Variants in AP3B2 observed in about 807,000 individuals in gnomAD.
AP3B2 encodes AP-3 complex subunit beta-2.
In AP3B2, 50 loss-of-function variants were observed where a neutral mutation model predicts 126.9. That is an observed-to-expected ratio of 0.39 (90% CI 0.31 to 0.50). AP3B2 has a LOEUF of 0.50. AP3B2 is among the 20% of genes least tolerant of loss of function. The pLI is 0.79. For synonymous variants in AP3B2, 541 were observed against 565.0 expected (o/e 0.96, Z 0.60); for missense variants, 1,177 against 1,426.4 (o/e 0.83, Z 2.82).
intron 4 of AP3B2, chr15:82,687,120 G>A (rs2048441063): frequency 6.6e-6 from 1 of 152,222 alleles, no homozygotes; most frequent in Non-Finnish European, 1.5e-5. Context: ...GATGGAGCAA[G>A]TTGCCTTATG....
At chr15:82,691,433 G>A (rs2048530347) in intron 1 of AP3B2, among the ~76,000 whole-genome samples, 1 of 152,098 alleles carries the variant, frequency 6.6e-6, no homozygotes, top group Non-Finnish European at 1.5e-5. Context: ...CACAGTAACT[G>A]TTGATCTCCA....
rs1567255988 is a variant in AP3B2, at chr15:82,663,860, C to T, written c.2377G>A (p.Glu793Lys). 3.1e-6 allele frequency: 5 copies of T among 1,613,912 alleles called. No individual in the cohort carries two copies. Among genetic ancestry groups the T allele is most frequent in the South Asian group, 1.1e-5 (1 of 91,070 alleles). ...SDSSSSSSES[E>K]MTSESEEEQL... The stretch of plus-strand genomic sequence containing the variant: ...TCCTCCTCGGACTCCGATGTCATCT[C>T]GGACTCTGATGAGCTACTGCTGGAA... The change falls in exon 20 of 27, where the codon GAG becomes AAG. Residue 793 changes from glutamate to lysine, a missense_variant. Coordinates refer to ENST00000535359, the MANE Select transcript of AP3B2 (RefSeq NM_001278512.2).
intron 14 of AP3B2, among the ~76,000 whole-genome samples, chr15:82,671,901 A>G (rs1334353325): frequency 2.0e-5 from 3 of 152,024 alleles, no homozygotes; most frequent in Admixed American, 1.3e-4. Context: ...AAAATTAGCC[A>G]GACTTGGTGG....
chr15:82,672,300 A>C (rs1195627074), intron 14 of AP3B2, among the ~76,000 whole-genome samples: 2 of 152,220 alleles, frequency 1.3e-5, no homozygotes, highest in African/African-American at 4.8e-5. Flanking sequence ...AGATCCTGTC[A>C]TTTGCAACAA....
At chr15:82,676,739 G>A (rs2151438153) in intron 13 of AP3B2, 102 bp from the exon 14 acceptor site, 2 of 1,187,950 alleles carry the variant, frequency 1.7e-6, no homozygotes, top group Non-Finnish European at 2.3e-6. Context: ...GTGCTGGCCT[G>A]TTGTATTATG....
In AP3B2 at chr15:82,660,683, T is replaced by A. The variant is rs569529631; in HGVS notation, c.3017-700A>T. On this transcript the variant is annotated intron_variant, in intron 25 of 26. Transcript: ENST00000535359. ...TTCCTCCCTCCACTGCTTCCCCTATTCTTCACCTCCTTTTAGAAACTGACA... is the reference window on the plus strand; with the variant it reads ...TTCCTCCCTCCACTGCTTCCCCTATACTTCACCTCCTTTTAGAAACTGACA... 2.8e-4 allele frequency among the ~76,000 whole-genome samples: 43 copies of A among 152,282 alleles called. No individual in the cohort carries two copies. The East Asian group carries it at 8.1e-3, about 29-fold the overall frequency.
Position 82,709,806 on chromosome 15 carries a change from AGGC to A in AP3B2, c.-103_-101del. 1 of 950,156 alleles carries A rather than the reference AGGC, an allele frequency of 1.1e-6. No individual in the cohort carries two copies. Among genetic ancestry groups the A allele is most frequent in the Non-Finnish European group, 1.4e-6 (1 of 692,964 alleles). The allele number at this position is 950,156 out of a possible 1,614,324, so 58.9% of individuals were successfully genotyped here. On this transcript the variant is annotated 5_prime_UTR_variant, in exon 1 of 27. Transcript: ENST00000535359. Reference sequence around the variant, plus strand: ...GGGCCGGTCCGGTCCGGGCTGGCGAAGGCGGCGGCGCGGCAGGGGTTCAGCAGA... The same window carrying A: ...GGGCCGGTCCGGTCCGGGCTGGCGAAGGCGGCGCGGCAGGGGTTCAGCAGA...
intron 25 of AP3B2, among the ~76,000 whole-genome samples, chr15:82,660,213 T>C (rs1369080897): frequency 6.6e-6 from 1 of 152,168 alleles, no homozygotes; most frequent in Non-Finnish European, 1.5e-5. Flanking sequence ...CCTTTATCCA[T>C]GTTGTTACCA....
Position 82,664,767 on chromosome 15 carries a change from C to A in AP3B2, c.2137+68G>T. 1 of 1,238,810 alleles carries A rather than the reference C, an allele frequency of 8.1e-7. No individual in the cohort carries two copies. Among genetic ancestry groups the A allele is most frequent in the Non-Finnish European group, 1.1e-6 (1 of 870,536 alleles). 76.7% of individuals were successfully genotyped at this position (1,238,810 alleles called of 1,614,324 possible). A position where few individuals can be genotyped will look rare whatever the true frequency, so the allele number is the denominator to read the frequency against. On this transcript the variant is annotated intron_variant, in intron 18 of 26. Coordinates refer to ENST00000535359, the MANE Select transcript of AP3B2 (RefSeq NM_001278512.2). This position sits in a 1 kb window ranked among gnomAD's most constrained non-coding sequence, Gnocchi z 4.5. ...AGACACACAACCATATACATATACC[C>A]CTCATATAGTCAGTCACACAGATGC... is the stretch of plus-strand genomic sequence containing the variant.
intron 22 of AP3B2, 91 bp downstream of exon 22, chr15:82,663,036 C>A: frequency 6.7e-7 from 1 of 1,487,912 alleles, no homozygotes; most frequent in South Asian, 1.2e-5. Flanking sequence ...CATCCTCCAT[C>A]ACACCCACCC....
chr15:82,692,376 C>G, intron 1 of AP3B2: 1 of 511,482 alleles, frequency 2.0e-6, no homozygotes, highest in Non-Finnish European at 3.4e-6. Flanking sequence ...TCCCAACGCC[C>G]CCTCCCCGCA....
At chr15:82,673,132 T>C (rs2048185689) in intron 14 of AP3B2, among the ~76,000 whole-genome samples, 1 of 152,242 alleles carries the variant, frequency 6.6e-6, no homozygotes, top group Non-Finnish European at 1.5e-5. Flanking sequence ...CCACCAAATT[T>C]ATAGTAATTT....
At chr15:82,688,601 G>A in intron 4 of AP3B2, 135 bp downstream of exon 4, 1 of 832,538 alleles carries the variant, frequency 1.2e-6, no homozygotes. Flanking sequence ...TTCTGACTGT[G>A]ACCCTCCCAA....
intron 14 of AP3B2, among the ~76,000 whole-genome samples, chr15:82,667,609 C>G (rs1414308917): frequency 6.6e-6 from 1 of 152,206 alleles, no homozygotes; most frequent in Non-Finnish European, 1.5e-5. Flanking sequence ...TGATCTTGGC[C>G]TAATCTAACC....
In AP3B2 at chr15:82,662,255, G is replaced by T. The variant is rs200697675; in HGVS notation, c.2834-3C>A. 1.8e-5 allele frequency: 28 copies of T among 1,592,258 alleles called. No individual in the cohort carries two copies. In the Admixed American group the frequency reaches 3.3e-4, roughly 19 times the overall value. On this transcript the variant is annotated splice_region_variant and splice_polypyrimidine_tract_variant and intron_variant, in intron 23 of 26. Transcript: ENST00000535359. ...AGATTCTCCAGGTGCCAGGGACTCT[G>T]AAGTGGTATAAGGCAGTGAAGGGGA...
rs113056981 is a variant in AP3B2 at position 82,659,835 on chromosome 15, G to A, written c.3155+10C>T. 23,036 of 1,613,526 alleles carry A rather than the reference G, an allele frequency of 0.014. 218 individuals are homozygous for A. Among genetic ancestry groups the A allele is most frequent in the Non-Finnish European group, 0.018 (20,842 of 1,179,544 alleles). The stretch of plus-strand genomic sequence containing the variant: ...TGCTCATCATTTCCCCTCTACTGGT[G>A]GCCTAGTACCTGTACTCATCAGATG... On this transcript the variant is annotated intron_variant, in intron 26 of 26. Transcript: ENST00000535359.
intron 4 of AP3B2, chr15:82,685,589 A>G (rs2048412715): frequency 6.6e-6 from 1 of 152,254 alleles, no homozygotes; most frequent in African/African-American, 2.4e-5. Context: ...TTAGAGACAA[A>G]TAGTCACATC....
At chr15:82,684,018 T>A (rs181458686) in intron 4 of AP3B2, among the ~76,000 whole-genome samples, 13 of 152,334 alleles carry the variant, frequency 8.5e-5, no homozygotes, top group Non-Finnish European at 1.9e-4. Flanking sequence ...TGTTGTTCCA[T>A]TTATAGAGCA....
rs772870319 is a variant in AP3B2, at chr15:82,677,401, G to A, written c.1379-18C>T. The A allele has an allele frequency of 1.2e-6, 2 of 1,606,320 alleles. No homozygotes were observed. The highest frequency in any genetic ancestry group is 1.7e-5 in the Admixed American group (1 of 59,568). On this transcript the variant is annotated intron_variant, in intron 12 of 26. Coordinates refer to ENST00000535359, the MANE Select transcript of AP3B2 (RefSeq NM_001278512.2). ...CACAAGCTCTACAGAACAAAAATGA[G>A]TGTGTGGACCCCAAGACAGTCAGAT...
Sources: gnomAD v4.1 joint callset for allele counts (sites outside exome capture counted in the v4.1 genomes callset) on GRCh38, gnomAD v4.1.1 for gene constraint, Gnocchi (gnomAD v3.1) non-coding constraint, MANE v1.5 for transcripts, NCBI Gene and HGNC (gene_info 2026-07-23, HGNC 2026-07-21) for gene names.